Variants in PTPRQ observed in about 807,000 individuals in gnomAD.
PTPRQ encodes the protein protein tyrosine phosphatase receptor type Q.
A neutral mutation model predicts 246.0 loss-of-function variants in PTPRQ; 199 were observed. That is an observed-to-expected ratio of 0.81 (90% CI 0.72 to 0.91). The LOEUF (loss-of-function observed/expected upper bound fraction) is 0.91, where lower values mean the gene tolerates loss of function less well. Ranked by LOEUF, PTPRQ falls within the 40% of genes least tolerant of loss-of-function variation. PTPRQ has a pLI of 0.00. For missense variants in PTPRQ, 2,624 were observed against 2,528.4 expected, an observed-to-expected ratio of 1.04 and a Z score of -0.81; for synonymous variants, 869 against 853.2, an observed-to-expected ratio of 1.02 and a Z score of -0.32.
intron 25 of PTPRQ, among the ~76,000 whole-genome samples, chr12:80,568,116 C>T (rs1399109360): frequency 6.6e-6 from 1 of 152,050 alleles, no homozygotes; most frequent in Non-Finnish European, 1.5e-5. Flanking sequence ...TCCTAATAAT[C>T]AATGTAGAAA....
intron 8 of PTPRQ, among the ~76,000 whole-genome samples, chr12:80,484,199 G>A (rs1380851246): frequency 1.3e-5 from 2 of 151,822 alleles, no homozygotes; most frequent in South Asian, 2.1e-4. Context: ...TAGAGATGGG[G>A]TTTCACCATG....
At chr12:80,643,653 A>G (rs1336548766) in intron 35 of PTPRQ, among the ~76,000 whole-genome samples, 5 of 152,072 alleles carry the variant, frequency 3.3e-5, no homozygotes, top group Non-Finnish European at 7.3e-5. Flanking sequence ...AAAGAACAAA[A>G]TAAAGAAAAC....
intron 14 of PTPRQ, among the ~76,000 whole-genome samples, chr12:80,504,991 T>C (rs1894909753): frequency 1.3e-5 from 2 of 151,886 alleles, no homozygotes; most frequent in African/African-American, 4.8e-5. Flanking sequence ...CTATGGTACA[T>C]GCAGAAGAAT....
At chr12:80,645,251 T>G (rs770939859) in intron 35 of PTPRQ, among the ~76,000 whole-genome samples, 1 of 152,106 alleles carries the variant, frequency 6.6e-6, no homozygotes, top group Non-Finnish European at 1.5e-5. Flanking sequence ...AAAGTACACC[T>G]GTTAATTTAT....
Position 80,506,096 on chromosome 12 carries a change from C to T in PTPRQ, c.2345C>T (p.Pro782Leu). The T allele has an allele frequency of 6.5e-7, 1 of 1,544,816 alleles. No individual in the cohort carries two copies. The highest frequency in any genetic ancestry group is 8.7e-7 in the Non-Finnish European group (1 of 1,144,188). The change falls in exon 15 of 45, where the codon CCC becomes CTC. Residue 782 changes from proline to leucine, a missense_variant. Pro to Leu is a moderately conservative substitution (Grantham distance 98). Coordinates refer to ENST00000644991, the MANE Select transcript of PTPRQ (RefSeq NM_001145026.2). Reference sequence around the variant, plus strand: ...GGAGAGATTGAGCTATCATTCCTTCCCCCAAGTAGTCCCAATGGAATCATA... The same window carrying T: ...GGAGAGATTGAGCTATCATTCCTTCTCCCAAGTAGTCCCAATGGAATCATA... ...SSGEIELSFLPPSSPNGIIQK... is the reference protein window; with the variant it reads ...SSGEIELSFLLPSSPNGIIQK...
chr12:80,494,741 T>C (rs1233189954), intron 10 of PTPRQ, among the ~76,000 whole-genome samples, 192 bp from the exon 11 acceptor site: 2 of 152,002 alleles, frequency 1.3e-5, no homozygotes, highest in African/African-American at 4.8e-5. Context: ...CATAGTAATA[T>C]TCAATACGAT....
intron 14 of PTPRQ, among the ~76,000 whole-genome samples, chr12:80,502,240 C>G (rs939725027): frequency 6.6e-6 from 1 of 151,822 alleles, no homozygotes; most frequent in Non-Finnish European, 1.5e-5. Flanking sequence ...TAATGTAGCT[C>G]TCTTCTCAGT....
At chr12:80,582,955 T>C (rs1421930614) in intron 25 of PTPRQ, among the ~76,000 whole-genome samples, 1 of 152,228 alleles carries the variant, frequency 6.6e-6, no homozygotes, top group African/African-American at 2.4e-5. Context: ...GTTTAAGGAC[T>C]CAGTTTAATG....
At chr12:80,454,557 A>T in intron 3 of PTPRQ, 1 of 702,438 alleles carries the variant, frequency 1.4e-6, no homozygotes, top group Non-Finnish European at 2.6e-6. Flanking sequence ...TTTCTTAGGG[A>T]TAATCCTTTA....
intron 6 of PTPRQ, among the ~76,000 whole-genome samples, chr12:80,468,391 T>G (rs1309667764): frequency 6.6e-6 from 1 of 152,158 alleles, no homozygotes; most frequent in African/African-American, 2.4e-5. Flanking sequence ...TATATGCAGG[T>G]ATAAATGTTT....
At chr12:80,634,789 A>C (rs1182177424) in intron 34 of PTPRQ, 156 bp from the exon 35 acceptor site, 1 of 1,080,178 alleles carries the variant, frequency 9.3e-7, no homozygotes, top group East Asian at 2.9e-5. Context: ...AACAAGAAAA[A>C]GAAGTCGAGT....
intron 35 of PTPRQ, among the ~76,000 whole-genome samples, chr12:80,646,192 T>TTGA (rs1377533638): frequency 2.6e-5 from 4 of 152,160 alleles, no homozygotes; most frequent in Non-Finnish European, 5.9e-5. Context: ...TATCATACTA[T>TTGA]TGATAGTAAC....
At chr12:80,653,947 A>T (rs1238714971) in intron 38 of PTPRQ, among the ~76,000 whole-genome samples, 3 of 152,180 alleles carry the variant, frequency 2.0e-5, no homozygotes, top group Non-Finnish European at 4.4e-5. Context: ...TAAGTAAATG[A>T]TTTTAAGAGC....
intron 3 of PTPRQ, among the ~76,000 whole-genome samples, chr12:80,456,383 A>T (rs1341209308): frequency 6.6e-6 from 1 of 152,200 alleles, no homozygotes; most frequent in East Asian, 1.9e-4. Flanking sequence ...TTCATGAAGA[A>T]AACATAGCTT....
At chr12:80,560,805 T>C (rs957066776) in intron 25 of PTPRQ, among the ~76,000 whole-genome samples, 2 of 152,240 alleles carry the variant, frequency 1.3e-5, no homozygotes, top group Non-Finnish European at 2.9e-5. Context: ...GGATACCCTG[T>C]TTATTGCATA....
In PTPRQ at chr12:80,613,748, T is replaced by C. The variant is rs7963963; in HGVS notation, c.5075T>C (p.Ile1692Thr). 47,714 of 1,545,564 alleles carry C rather than the reference T, an allele frequency of 0.031. 2,365 individuals are homozygous for C. Among genetic ancestry groups the C allele is most frequent in the African/African-American group, 0.23 (16,592 of 72,468 alleles). Residue 1692 changes from isoleucine to threonine, a missense_variant, in exon 29 of 45, where the codon ATT becomes ACT. Ile to Thr is a moderately conservative substitution (Grantham distance 89). Coordinates refer to ENST00000644991, the MANE Select transcript of PTPRQ (RefSeq NM_001145026.2). ...YREDDPTAVQ[I>T]HNLSIIQKTN... The stretch of plus-strand genomic sequence containing the variant: ...GAAGATGATCCTACTGCTGTCCAGA[T>C]TCACAACCTCAGTATTATACAGAAA...
chr12:80,475,493 G>C lies in PTPRQ; in HGVS notation c.1186+3242G>C, dbSNP rs75042181. Among the ~76,000 whole-genome samples, 886 of 152,052 alleles carry C rather than the reference G, an allele frequency of 5.8e-3. 10 individuals are homozygous for C. Among genetic ancestry groups the C allele is most frequent in the African/African-American group, 0.021 (860 of 41,512 alleles). ...ACCTTCAAAACTGATGCTGAACCAT[G>C]AATAATTGAGTTGTGTGTTTGATTT... On this transcript the variant is annotated intron_variant, in intron 8 of 44. Transcript: ENST00000644991.
intron 39 of PTPRQ, among the ~76,000 whole-genome samples, chr12:80,662,487 T>G (rs1277002175): frequency 6.6e-6 from 1 of 151,966 alleles, no homozygotes; most frequent in African/African-American, 2.4e-5. Context: ...TTTTTGTAGC[T>G]GTATGACCTG....
Position 80,575,163 on chromosome 12 carries a change from A to G in PTPRQ, c.4286-12966A>G, listed in dbSNP as rs540855192. On this transcript the variant is annotated intron_variant, in intron 25 of 44. Transcript: ENST00000644991. ...AGCTCCTTTCAAGGTTTTTATTAAA[A>G]TATCTAGTCACACTGAACACTTTAG... 1.0e-4 allele frequency among the ~76,000 whole-genome samples: 16 copies of G among 152,404 alleles called. No homozygotes were observed. In the South Asian group the frequency reaches 2.7e-3, roughly 26 times the overall value.
Sources: allele counts gnomAD v4.1 joint callset (sites outside exome capture counted in the v4.1 genomes callset), GRCh38; gene constraint gnomAD v4.1.1; transcripts MANE v1.5; gene names NCBI Gene and HGNC (gene_info 2026-07-23, HGNC 2026-07-21).